Variants in ARHGAP26 observed in about 807,000 individuals in gnomAD.
ARHGAP26 encodes the protein rho GTPase-activating protein 26.
ARHGAP26 carries 38 observed loss-of-function variants against 104.8 expected under a neutral mutation model. The observed-to-expected ratio is 0.36, with a 90% CI of 0.28 to 0.48. ARHGAP26 has a LOEUF of 0.48. ARHGAP26 is among the 20% of genes least tolerant of loss of function. The pLI, the probability that ARHGAP26 is intolerant of heterozygous loss-of-function variation, is 0.99. For missense variants in ARHGAP26, 704 were observed against 947.9 expected, an observed-to-expected ratio of 0.74 and a Z score of 3.38; for synonymous variants, 341 against 340.0, an observed-to-expected ratio of 1.00 and a Z score of -0.03.
chr5:142,989,424 T>C (rs1198190785), intron 11 of ARHGAP26, among the ~76,000 whole-genome samples: 3 of 152,240 alleles, frequency 2.0e-5, no homozygotes, highest in Admixed American at 6.5e-5. Flanking sequence ...CTTGACTCTT[T>C]ATCCAGTTTG....
chr5:142,970,393 C>T (rs1772084181), intron 11 of ARHGAP26, among the ~76,000 whole-genome samples: 1 of 152,150 alleles, frequency 6.6e-6, no homozygotes, highest in Admixed American at 6.6e-5. Flanking sequence ...CTGAAAATTC[C>T]AGAAGTAGCC....
intron 16 of ARHGAP26, 49 bp from the exon 17 acceptor site, chr5:143,057,593 T>C: frequency 6.7e-7 from 1 of 1,495,662 alleles, no homozygotes; most frequent in Non-Finnish European, 9.2e-7. Flanking sequence ...ACCTTAAAGT[T>C]GTTTAGCTGT....
At chr5:143,017,812 A>G (rs1270130102) in intron 12 of ARHGAP26, among the ~76,000 whole-genome samples, 1 of 152,202 alleles carries the variant, frequency 6.6e-6, no homozygotes, top group African/African-American at 2.4e-5. Flanking sequence ...CAGTACTCAC[A>G]CCACCACAAT....
At chr5:142,874,391 A>G (rs1283785427) in intron 2 of ARHGAP26, among the ~76,000 whole-genome samples, 2 of 152,232 alleles carry the variant, frequency 1.3e-5, no homozygotes, top group East Asian at 1.9e-4. Flanking sequence ...TCCTGTTGCC[A>G]TGTAGAACAT....
intron 1 of ARHGAP26, among the ~76,000 whole-genome samples, chr5:142,780,915 G>A (rs371444646): frequency 3.0e-4 from 46 of 152,332 alleles, no homozygotes; most frequent in African/African-American, 1.1e-3. Flanking sequence ...AGCTTCTCCT[G>A]CAGAGCTTAG....
chr5:143,097,921 A>T (rs1444542780), intron 17 of ARHGAP26, among the ~76,000 whole-genome samples: 1 of 151,978 alleles, frequency 6.6e-6, no homozygotes, highest in Non-Finnish European at 1.5e-5. Flanking sequence ...GACAACGTTC[A>T]GTGGGACATA....
intron 1 of ARHGAP26, among the ~76,000 whole-genome samples, chr5:142,814,259 C>T (rs1764679930): frequency 6.6e-6 from 1 of 152,252 alleles, no homozygotes; most frequent in African/African-American, 2.4e-5. Flanking sequence ...TGGCTAGAGC[C>T]TTCCGGTAAT....
chr5:142,884,456 A>G (rs1441332025), intron 4 of ARHGAP26, among the ~76,000 whole-genome samples: 1 of 152,226 alleles, frequency 6.6e-6, no homozygotes, highest in East Asian at 1.9e-4. Flanking sequence ...TTTCTTAAAG[A>G]GAAGAGAAAA....
rs560940959 is a variant in ARHGAP26, at chr5:142,871,195, G to A, written c.155-2205G>A. Among the ~76,000 whole-genome samples the A allele has an allele frequency of 4.6e-5, 7 of 152,292 alleles. No homozygotes were observed. Among genetic ancestry groups the A allele is most frequent in the African/African-American group, 1.7e-4 (7 of 41,548 alleles). On this transcript the variant is annotated intron_variant, in intron 1 of 22. Coordinates refer to ENST00000645722, the MANE Select transcript of ARHGAP26 (RefSeq NM_001135608.3). This position sits in a 1 kb window ranked among gnomAD's most constrained non-coding sequence, Gnocchi z 4.1. ...TGCACTGTGGCAGGGTGTGCTCTGT[G>A]CCAGTGGACAAGGAAATCAGGTCAC...
At chr5:143,089,139 T>A (rs1791042445) in intron 17 of ARHGAP26, among the ~76,000 whole-genome samples, 1 of 152,234 alleles carries the variant, frequency 6.6e-6, no homozygotes, top group Non-Finnish European at 1.5e-5. Context: ...CTCTTGCATT[T>A]CCTTACAGCT....
chr5:142,988,366 TTTA>T (rs1775083288), intron 11 of ARHGAP26, among the ~76,000 whole-genome samples: 1 of 152,160 alleles, frequency 6.6e-6, no homozygotes, highest in Non-Finnish European at 1.5e-5. Flanking sequence ...TTGTTTCTAG[TTTA>T]TTCTTCTCTC....
intron 11 of ARHGAP26, among the ~76,000 whole-genome samples, chr5:142,943,017 G>C (rs1766601471): frequency 6.6e-6 from 1 of 152,326 alleles, no homozygotes; most frequent in Non-Finnish European, 1.5e-5. Context: ...CTGGCCTCAA[G>C]TGATCCACCT....
At chr5:142,847,665 G>A (rs971703234) in intron 1 of ARHGAP26, among the ~76,000 whole-genome samples, 1 of 152,178 alleles carries the variant, frequency 6.6e-6, no homozygotes, top group African/African-American at 2.4e-5. Context: ...CCAGGATGAT[G>A]ATGTCTTAAC....
At chr5:143,102,543 A>G (rs1321860878) in intron 17 of ARHGAP26, among the ~76,000 whole-genome samples, 8 of 152,220 alleles carry the variant, frequency 5.3e-5, no homozygotes. Flanking sequence ...TGCTGGACCC[A>G]TGCCGGTCAC....
In ARHGAP26 at chr5:142,973,151, G is replaced by C. The variant is rs77846768; in HGVS notation, c.1108-40929G>C. On this transcript the variant is annotated intron_variant, in intron 11 of 22. Coordinates refer to ENST00000645722, the MANE Select transcript of ARHGAP26 (RefSeq NM_001135608.3). ...CAGCTCAGAGTGGGCTAGAACAAAT[G>C]CCAGAACTACAGGTAAGGGTGTTTG... 1.1e-3 allele frequency among the ~76,000 whole-genome samples: 162 copies of C among 152,316 alleles called. 1 individual carries two copies. The highest frequency in any genetic ancestry group is 3.8e-3 in the African/African-American group (157 of 41,574).
At position 142,857,434 on chromosome 5, in the gene ARHGAP26, G is replaced by C. The variant is rs577875081; in HGVS notation, c.155-15966G>C. 4.7e-4 allele frequency among the ~76,000 whole-genome samples: 71 copies of C among 152,234 alleles called. No homozygotes were observed. In the South Asian group the frequency reaches 6.4e-3, roughly 14 times the overall value. On this transcript the variant is annotated intron_variant, in intron 1 of 22. Transcript: ENST00000645722. Reference sequence around the variant, plus strand: ...TGCTAGGATTCCTGTCTCTGCTGAGGGCTCCTGGGTACAAGGTTCTTCTCA... The same window carrying C: ...TGCTAGGATTCCTGTCTCTGCTGAGCGCTCCTGGGTACAAGGTTCTTCTCA...
chr5:143,196,400 C>T (rs1806837751), intron 20 of ARHGAP26, among the ~76,000 whole-genome samples: 1 of 152,176 alleles, frequency 6.6e-6, no homozygotes. Context: ...TTACTGAATA[C>T]TAAGCCATTG....
chr5:143,116,231 A>T (rs1161049542), intron 17 of ARHGAP26, among the ~76,000 whole-genome samples: 11 of 152,226 alleles, frequency 7.2e-5, no homozygotes. Context: ...GAGCTTTTTT[A>T]AAAAGTCTAA....
chr5:142,805,446 T>C (rs1762825040), intron 1 of ARHGAP26, among the ~76,000 whole-genome samples: 1 of 152,228 alleles, frequency 6.6e-6, no homozygotes, highest in Non-Finnish European at 1.5e-5. Context: ...ATTTGGATCA[T>C]TTTTACTTTT....
Sources: allele counts gnomAD v4.1 joint callset (sites outside exome capture counted in the v4.1 genomes callset), GRCh38; gene constraint gnomAD v4.1.1; non-coding constraint Gnocchi (gnomAD v3.1); transcripts MANE v1.5; gene names NCBI Gene and HGNC (gene_info 2026-07-23, HGNC 2026-07-21).